The following KIF23 variants were observed in gnomAD, a reference collection of about 807,000 sequenced individuals.
The protein encoded by KIF23 is kinesin family member 23, also known as kinesin-like protein KIF23.
A neutral mutation model predicts 137.5 loss-of-function variants in KIF23; 30 were observed. That is an observed-to-expected ratio of 0.22 (90% CI 0.16 to 0.30). KIF23 has a LOEUF of 0.30. Among genes scored for constraint, KIF23 ranks in the 10% least tolerant of loss-of-function variants. The probability of loss-of-function intolerance (pLI) is 1.00; values close to 1 mark genes in which losing one functional copy is unlikely to be tolerated. For synonymous variants in KIF23, 367 were observed against 391.1 expected (o/e 0.94, Z 0.73); for missense variants, 920 against 1,194.3 (o/e 0.77, Z 3.38).
chr15:69,446,732 C>T (rs2057747534), intron 22 of KIF23, 139 bp from the exon 23 acceptor site: 2 of 784,436 alleles, frequency 2.5e-6, no homozygotes, highest in Non-Finnish European at 4.4e-6. Context: ...TTACGAGTGA[C>T]TGGTGTTTTA....
chr15:69,425,206 A>G (rs2057158795), intron 7 of KIF23, 76 bp from the exon 8 acceptor site: 1 of 1,106,784 alleles, frequency 9.0e-7, no homozygotes, highest in East Asian at 2.6e-5. Context: ...TGTGATTGTC[A>G]CATAGTCTGG....
Position 69,446,903 on chromosome 15 carries a change from C to G in KIF23, c.2871C>G (p.Ser957=), listed in dbSNP as rs755039438. 29 of 1,614,040 alleles carry G rather than the reference C, an allele frequency of 1.8e-5. No individual in the cohort carries two copies. In the East Asian group the frequency reaches 6.0e-4, roughly 33 times the overall value. The change falls in exon 23 of 24, where the codon TCC becomes TCG. Residue 957 remains serine (S), a synonymous_variant. Transcript: ENST00000679126. ...CSVAVEMRAG[S]QLGPGYQHHA... ...TGGCTGTGGAGATGAGAGCAGGATC[C>G]CAGCTGGGACCTGGATATCAGCATC...
chr15:69,434,495 A>T (rs2057425016), intron 11 of KIF23: 7 of 666,068 alleles, frequency 1.1e-5, no homozygotes, highest in Non-Finnish European at 1.9e-5. Context: ...CTTCAATCTC[A>T]TACTGACCAC....
intron 23 of KIF23, among the ~76,000 whole-genome samples, chr15:69,447,420 TATACTC>T (rs753085346): frequency 7.2e-5 from 11 of 152,320 alleles, no homozygotes; most frequent in South Asian, 2.1e-4. Context: ...CTGTTAAACT[TATACTC>T]AGGAGTCTGA....
chr15:69,416,245 T>A (rs1464069243), intron 2 of KIF23, among the ~76,000 whole-genome samples, 182 bp downstream of exon 2: 1 of 152,228 alleles, frequency 6.6e-6, no homozygotes, highest in Non-Finnish European at 1.5e-5. Flanking sequence ...ATTTTCTCTA[T>A]AAGATTAATT....
intron 15 of KIF23, 121 bp from the exon 16 acceptor site, chr15:69,438,127 G>C: frequency 1.2e-6 from 1 of 827,656 alleles, no homozygotes; most frequent in Middle Eastern, 3.9e-4. Flanking sequence ...TCTCATTATA[G>C]ACTGATTCTC....
At chr15:69,416,677 G>C (rs962858637) in intron 2 of KIF23, among the ~76,000 whole-genome samples, 1 of 152,132 alleles carries the variant, frequency 6.6e-6, no homozygotes, top group Non-Finnish European at 1.5e-5. Flanking sequence ...TCTGTAGGCT[G>C]GGTGCGGTGG....
At position 69,418,110 on chromosome 15, in the gene KIF23, G is replaced by C. The variant is rs144655370; in HGVS notation, c.210+599G>C. Among the ~76,000 whole-genome samples, 504 of 152,310 alleles carry C rather than the reference G, an allele frequency of 3.3e-3. 2 individuals are homozygous for C. Among genetic ancestry groups the C allele is most frequent in the Non-Finnish European group, 4.1e-3 (277 of 68,028 alleles). On this transcript the variant is annotated intron_variant, in intron 3 of 23. Coordinates refer to ENST00000679126, the MANE Select transcript of KIF23 (RefSeq NM_001367805.3). ...CTAAAGATGAGGGGACCGTGGGAAT[G>C]CAGTAGGATTAATTCAGGCTACCAT...
intron 17 of KIF23, 108 bp downstream of exon 17, chr15:69,440,185 G>T (rs1037176710): frequency 1.4e-5 from 21 of 1,490,570 alleles, no homozygotes; most frequent in Non-Finnish European, 1.7e-5. Flanking sequence ...TTTTGGTGGT[G>T]GTTGTTAACT....
At chr15:69,416,320 A>C (rs1047870541) in intron 2 of KIF23, among the ~76,000 whole-genome samples, 1 of 152,170 alleles carries the variant, frequency 6.6e-6, no homozygotes, top group Non-Finnish European at 1.5e-5. Flanking sequence ...TATAATTTGG[A>C]GAGTTAGATA....
rs1459454986 is a variant in KIF23, at chr15:69,436,508, A to G, written c.1439-56A>G. The G allele has an allele frequency of 2.0e-6, 3 of 1,474,180 alleles. No individual in the cohort carries two copies. The African/African-American group carries it at 4.2e-5, about 21-fold the overall frequency. The allele number at this position is 1,474,180 out of a possible 1,614,324, so 91.3% of individuals were successfully genotyped here. A position where few individuals can be genotyped will look rare whatever the true frequency, so the allele number is the denominator to read the frequency against. ...GCTGTATGCAGTGTTAAACTTGTTTAAATAAGCTCTTTCTCTCCTATGTAA... is the reference window on the plus strand; with the variant it reads ...GCTGTATGCAGTGTTAAACTTGTTTGAATAAGCTCTTTCTCTCCTATGTAA... On this transcript the variant is annotated intron_variant, in intron 14 of 23. Transcript: ENST00000679126.
chr15:69,429,054 G>C (rs1043049428), intron 10 of KIF23, 57 bp from the exon 11 acceptor site: 2 of 1,163,838 alleles, frequency 1.7e-6, no homozygotes, highest in Non-Finnish European at 2.5e-6. Flanking sequence ...TCTATTTAAA[G>C]AACATTATAA....
intron 7 of KIF23, 141 bp downstream of exon 7, chr15:69,423,470 C>A: frequency 1.7e-6 from 1 of 571,814 alleles, no homozygotes; most frequent in Non-Finnish European, 2.9e-6. Context: ...TTGTATATCA[C>A]GTGGTTTTGT....
At chr15:69,429,373 T>C (rs1386347153) in intron 11 of KIF23, among the ~76,000 whole-genome samples, 160 bp downstream of exon 11, 3 of 152,216 alleles carry the variant, frequency 2.0e-5, no homozygotes, top group Non-Finnish European at 2.9e-5. Flanking sequence ...GGTGTGATCA[T>C]GGCTCATTGC....
In KIF23 at chr15:69,426,194, C is replaced by T; in HGVS notation, c.889+12C>T. The T allele has an allele frequency of 1.9e-6, 3 of 1,593,628 alleles. No homozygotes were observed. The highest frequency in any genetic ancestry group is 1.4e-5 in the African/African-American group (1 of 73,800). Reference sequence around the variant, plus strand: ...AGTTTTCTGGAGAGGTTAGAAACACCTAGAACTAGAAAAATACAGAATGAT... The same window carrying T: ...AGTTTTCTGGAGAGGTTAGAAACACTTAGAACTAGAAAAATACAGAATGAT... On this transcript the variant is annotated intron_variant, in intron 9 of 23. Transcript: ENST00000679126.
Position 69,435,552 on chromosome 15 carries a change from G to A in KIF23, c.1184G>A (p.Gly395Glu). 1.2e-6 allele frequency: 2 copies of A among 1,613,974 alleles called. No homozygotes were observed. Among genetic ancestry groups the A allele is most frequent in the South Asian group, 2.2e-5 (2 of 91,056 alleles). Residue 395 changes from glycine to glutamate, a missense_variant, in exon 12 of 24, where the codon GGA becomes GAA. Physicochemically the swap from Gly to Glu is moderately conservative, Grantham distance 98 (BLOSUM62 -2). Coordinates refer to ENST00000679126, the MANE Select transcript of KIF23 (RefSeq NM_001367805.3). ...GTCCTAAGAGAGAACCAAATGTATG[G>A]AACTAACAAGGTAAGCAGCAGCCTT... is the stretch of plus-strand genomic sequence containing the variant. Reference protein sequence around the residue: ...MDVLRENQMYGTNKMVPYRDS... With the variant: ...MDVLRENQMYETNKMVPYRDS...
chr15:69,431,057 G>T (rs1486060685), intron 11 of KIF23, among the ~76,000 whole-genome samples: 2 of 152,182 alleles, frequency 1.3e-5, no homozygotes, highest in African/African-American at 4.8e-5. Context: ...GCAGTTAGGA[G>T]CCTTTTGCCC....
At chr15:69,428,963 C>T in intron 10 of KIF23, 148 bp from the exon 11 acceptor site, 1 of 518,452 alleles carries the variant, frequency 1.9e-6, no homozygotes, top group Non-Finnish European at 3.4e-6. Context: ...GCAAACTCTC[C>T]CCTAAAATAG....
chr15:69,440,550 T>A, intron 18 of KIF23, 63 bp downstream of exon 18: 1 of 1,405,352 alleles, frequency 7.1e-7, no homozygotes. Flanking sequence ...ATTAGATGAC[T>A]ATTTCTATGA....
Sources: gnomAD v4.1 joint callset for allele counts (sites outside exome capture counted in the v4.1 genomes callset) on GRCh38, gnomAD v4.1.1 for gene constraint, MANE v1.5 for transcripts, NCBI Gene and HGNC (gene_info 2026-07-23, HGNC 2026-07-21) for gene names.